COL5A2: variants seen among roughly 807,000 people sequenced by gnomAD.
COL5A2 encodes the protein collagen type V alpha 2 chain, also known as collagen alpha-2(V) chain.
In COL5A2, 23 loss-of-function variants were observed where a neutral mutation model predicts 208.2. The observed-to-expected ratio is 0.11, with a 90% CI of 0.08 to 0.16. The LOEUF (loss-of-function observed/expected upper bound fraction) is 0.16, where lower values mean the gene tolerates loss of function less well. Among genes scored for constraint, COL5A2 ranks in the 10% least tolerant of loss-of-function variants. The probability of loss-of-function intolerance (pLI) is 1.00; values close to 1 mark genes in which losing one functional copy is unlikely to be tolerated. For synonymous variants in COL5A2, 625 were observed against 628.5 expected (o/e 0.99, Z 0.08); for missense variants, 1,590 against 1,956.4 (o/e 0.81, Z 3.53).
chr2:189,192,622 T>C (rs1559142469), intron 1 of COL5A2, among the ~76,000 whole-genome samples: 1 of 152,186 alleles, frequency 6.6e-6, no homozygotes, highest in Non-Finnish European at 1.5e-5. Flanking sequence ...TCAATACAAA[T>C]AGAGAAGAGC....
chr2:189,164,209 C>T (rs892161214), intron 1 of COL5A2, among the ~76,000 whole-genome samples: 10 of 152,132 alleles, frequency 6.6e-5, no homozygotes, highest in African/African-American at 2.2e-4. Context: ...AGGCTTTTAG[C>T]GTTTAACTTT....
At chr2:189,170,132 T>C (rs993277970) in intron 1 of COL5A2, among the ~76,000 whole-genome samples, 3 of 152,236 alleles carry the variant, frequency 2.0e-5, no homozygotes, top group Non-Finnish European at 4.4e-5. Flanking sequence ...GTATTCATCA[T>C]AATTATTTGA....
At chr2:189,262,332 TAAAC>T in the COL5A2 span, among the ~76,000 whole-genome samples, 3 of 151,876 alleles carry the variant, frequency 2.0e-5, no homozygotes, top group Non-Finnish European at 4.4e-5. Context: ...CCTTCCATTA[TAAAC>T]AAACACACAC....
rs927735763 is a variant in COL5A2 at position 189,057,499 on chromosome 2, G to T, written c.2230-72C>A. 4 of 1,124,996 alleles carry T rather than the reference G, an allele frequency of 3.6e-6. No individual in the cohort carries two copies. The African/African-American group carries it at 4.6e-5, about 13-fold the overall frequency. The allele number at this position is 1,124,996 out of a possible 1,614,324, so 69.7% of individuals were successfully genotyped here. Reference sequence around the variant, plus strand: ...AAACTAATGAAATTGCTTTTTAGTGGGTCAAAAGTAGTTGTCAGCAATTTC... The same window carrying T: ...AAACTAATGAAATTGCTTTTTAGTGTGTCAAAAGTAGTTGTCAGCAATTTC... On this transcript the variant is annotated intron_variant, in intron 33 of 53. Transcript: ENST00000374866.
At chr2:189,098,004 G>C (rs113122214) in intron 5 of COL5A2, among the ~76,000 whole-genome samples, 2 of 151,672 alleles carry the variant, frequency 1.3e-5, no homozygotes, top group Non-Finnish European at 2.9e-5. Context: ...TTCAAAAGTG[G>C]TGTTATTGTG....
chr2:189,205,517 A>C (rs1232202108), intron 1 of COL5A2, among the ~76,000 whole-genome samples: 2 of 152,210 alleles, frequency 1.3e-5, no homozygotes, highest in African/African-American at 2.4e-5. Flanking sequence ...TGATGTTCAG[A>C]AACAGCAGTT....
the COL5A2 span, among the ~76,000 whole-genome samples, chr2:189,259,732 G>A: frequency 1.3e-5 from 2 of 152,100 alleles, no homozygotes; most frequent in Non-Finnish European, 2.9e-5. Context: ...CTACGTTAAC[G>A]GACCACGCAG....
intron 12 of COL5A2, among the ~76,000 whole-genome samples, chr2:189,082,085 T>A (rs1396134313): frequency 2.0e-5 from 3 of 152,152 alleles, no homozygotes; most frequent in Non-Finnish European, 4.4e-5. Context: ...GATAAACAAC[T>A]AAATAAAGAA....
chr2:189,204,828 G>A (rs1421116034), intron 1 of COL5A2, among the ~76,000 whole-genome samples: 2 of 152,138 alleles, frequency 1.3e-5, no homozygotes, highest in Admixed American at 6.5e-5. Context: ...TGTCTTCTAT[G>A]GGCTTGGAAT....
At chr2:189,120,618 T>C (rs1687481071) in intron 1 of COL5A2, among the ~76,000 whole-genome samples, 1 of 152,196 alleles carries the variant, frequency 6.6e-6, no homozygotes, top group South Asian at 2.1e-4. Flanking sequence ...CTATTGATTC[T>C]CCTTTGGTGT....
chr2:189,103,830 T>A (rs540350568), intron 3 of COL5A2, among the ~76,000 whole-genome samples: 3 of 152,060 alleles, frequency 2.0e-5, no homozygotes, highest in Non-Finnish European at 4.4e-5. Context: ...TACAGGCCCA[T>A]TGAAGTCAAA....
At chr2:189,360,623 T>C in the COL5A2 span, among the ~76,000 whole-genome samples, 1 of 152,198 alleles carries the variant, frequency 6.6e-6, no homozygotes, top group Non-Finnish European at 1.5e-5. Context: ...GTTTTTTGTT[T>C]TATTTTATTT....
At chr2:189,228,234 T>C (rs1689442090), upstream of COL5A2, among the ~76,000 whole-genome samples, 2 of 151,676 alleles carry the variant, frequency 1.3e-5, no homozygotes, top group South Asian at 4.1e-4. Context: ...AACCTAATTC[T>C]ATACCTTAGG....
chr2:189,140,099 C>A (rs779839720), intron 1 of COL5A2, among the ~76,000 whole-genome samples: 13 of 151,654 alleles, frequency 8.6e-5, no homozygotes, highest in Non-Finnish European at 1.8e-4. Context: ...AAAAAAGTGA[C>A]CAGATGTTAA....
chr2:189,363,974 G>A, the COL5A2 span, among the ~76,000 whole-genome samples: 9 of 152,310 alleles, frequency 5.9e-5, no homozygotes, highest in East Asian at 1.3e-3. Flanking sequence ...CATACAGGAA[G>A]GGAAACAAGG....
chr2:189,309,083 G>C, the COL5A2 span, among the ~76,000 whole-genome samples: 1 of 152,172 alleles, frequency 6.6e-6, no homozygotes, highest in Admixed American at 6.5e-5. Context: ...TTTTGTTACA[G>C]GAGGTAGCTT....
chr2:189,275,315 T>C, the COL5A2 span, among the ~76,000 whole-genome samples: 1 of 152,114 alleles, frequency 6.6e-6, no homozygotes. Context: ...AGGAAAATGC[T>C]ACCTTCTAAA....
upstream of COL5A2, among the ~76,000 whole-genome samples, chr2:189,227,175 T>A (rs1205927350): frequency 6.6e-6 from 1 of 151,824 alleles, no homozygotes; most frequent in Non-Finnish European, 1.5e-5. Context: ...TTTTCAAATA[T>A]CCAGACACCA....
chr2:189,218,343 G>A (rs1169771066), intron 1 of COL5A2, among the ~76,000 whole-genome samples: 2 of 152,134 alleles, frequency 1.3e-5, no homozygotes, highest in Non-Finnish European at 2.9e-5. Context: ...AGGAAGAGAA[G>A]TGAACACAGA....
Sources: allele counts gnomAD v4.1 joint callset (sites outside exome capture counted in the v4.1 genomes callset), GRCh38; gene constraint gnomAD v4.1.1; transcripts MANE v1.5; gene names NCBI Gene and HGNC (gene_info 2026-07-23, HGNC 2026-07-21).